RBM47: variants seen among roughly 807,000 people sequenced by gnomAD.
The protein encoded by RBM47 is RNA binding motif protein 47.
In RBM47, 21 loss-of-function variants were observed where a neutral mutation model predicts 47.1. The ratio of observed to expected loss-of-function variants is 0.45; its 90% CI spans 0.32 to 0.64. The LOEUF is 0.64. Among genes scored for constraint, RBM47 ranks in the 30% least tolerant of loss-of-function variants. The pLI, the probability that RBM47 is intolerant of heterozygous loss-of-function variation, is 0.05. For missense variants in RBM47, 708 were observed against 870.9 expected (o/e 0.81, Z 2.35); for synonymous variants, 375 against 361.7 (o/e 1.04, Z -0.42).
chr4:40,432,203 TACAC>T lies in RBM47; in HGVS notation c.1542+444_1542+447del, dbSNP rs61008905. ...TGTTCTTTCTCTCTCTCTCTCTCTT[TACAC>T]ACACACACACACACACACACACACA... On this transcript the variant is annotated intron_variant, in intron 6 of 6. Coordinates refer to ENST00000295971, the MANE Select transcript of RBM47 (RefSeq NM_001098634.2). 3.2e-3 allele frequency among the ~76,000 whole-genome samples: 468 copies of T among 147,816 alleles called. 8 individuals carry two copies. In the East Asian group the frequency reaches 0.048, roughly 15 times the overall value.
At chr4:40,609,015 T>TA (rs753852450) in intron 1 of RBM47, among the ~76,000 whole-genome samples, 34 of 152,236 alleles carry the variant, frequency 2.2e-4, no homozygotes, top group Admixed American at 6.5e-4. Flanking sequence ...ATTTATTTGA[T>TA]AGAGTTTCAC....
chr4:40,572,437 T>G (rs1731822017), intron 1 of RBM47, among the ~76,000 whole-genome samples: 1 of 151,698 alleles, frequency 6.6e-6, no homozygotes, highest in South Asian at 2.1e-4. Flanking sequence ...TATTGTTAAG[T>G]GAAGAAAAAC....
intron 1 of RBM47, among the ~76,000 whole-genome samples, chr4:40,592,178 G>C (rs1734206466): frequency 6.6e-6 from 1 of 152,108 alleles, no homozygotes; most frequent in Admixed American, 6.6e-5. Flanking sequence ...GTAGAGTACA[G>C]GGGAATCATC....
intron 1 of RBM47, among the ~76,000 whole-genome samples, chr4:40,566,321 T>C (rs983966875): frequency 3.9e-5 from 6 of 152,074 alleles, no homozygotes; most frequent in Non-Finnish European, 1.5e-5. Flanking sequence ...GGGGATGAAC[T>C]GTGGAGTCAC....
intron 1 of RBM47, among the ~76,000 whole-genome samples, chr4:40,569,532 C>G (rs991656487): frequency 6.6e-6 from 1 of 151,256 alleles, no homozygotes; most frequent in African/African-American, 2.4e-5. Context: ...GCCTCAGCCT[C>G]CCGAGTAGCT....
Position 40,432,708 on chromosome 4 carries a change from C to CGCGGCTGCG in RBM47, c.1476_1484dup (p.Ala500_Ala502dup). On this transcript the variant is annotated inframe_insertion, in exon 6 of 7. Transcript: ENST00000295971. ...TGACAGCGGCTGCGGCGGCTGCGGC[C>CGCGGCTGCG]GCGGCTGCGGCGGCAGCAGCACTGG... 2 of 1,589,718 alleles carry CGCGGCTGCG rather than the reference C, an allele frequency of 1.3e-6. No individual in the cohort carries two copies. Among genetic ancestry groups the CGCGGCTGCG allele is most frequent in the South Asian group, 2.2e-5 (2 of 89,556 alleles).
At chr4:40,480,737 C>A (rs1000882805) in intron 2 of RBM47, among the ~76,000 whole-genome samples, 3 of 152,144 alleles carry the variant, frequency 2.0e-5, no homozygotes, top group African/African-American at 7.2e-5. Flanking sequence ...ATGGCGATCC[C>A]TTTCTGTCTG....
chr4:40,435,093 G>T (rs1482382237), intron 5 of RBM47, among the ~76,000 whole-genome samples: 3 of 152,170 alleles, frequency 2.0e-5, no homozygotes, highest in Non-Finnish European at 4.4e-5. Flanking sequence ...ATGGTCATGG[G>T]CACTAATGAC....
chr4:40,594,262 G>A (rs559061459), intron 1 of RBM47, among the ~76,000 whole-genome samples: 10 of 152,062 alleles, frequency 6.6e-5, no homozygotes, highest in Non-Finnish European at 1.2e-4. Context: ...ACACACCTGA[G>A]GCCATTGCAC....
At chr4:40,571,541 G>A (rs905302952) in intron 1 of RBM47, among the ~76,000 whole-genome samples, 9 of 152,068 alleles carry the variant, frequency 5.9e-5, no homozygotes, top group African/African-American at 2.4e-5. Context: ...AATCTGAAAT[G>A]AGACCTTTCT....
chr4:40,551,693 G>C (rs1352759508), intron 1 of RBM47, among the ~76,000 whole-genome samples: 2 of 148,942 alleles, frequency 1.3e-5, no homozygotes, highest in East Asian at 3.9e-4. Context: ...CTCTTGCCCA[G>C]GTTGGAGTGC....
At chr4:40,437,163 T>C (rs1712755139) in intron 4 of RBM47, among the ~76,000 whole-genome samples, 1 of 135,506 alleles carries the variant, frequency 7.4e-6, no homozygotes. Flanking sequence ...AATACATATA[T>C]ATATATATAA....
intron 1 of RBM47, among the ~76,000 whole-genome samples, chr4:40,583,721 G>A (rs1223653953): frequency 2.2e-4 from 34 of 151,826 alleles, no homozygotes; most frequent in African/African-American, 4.6e-4. Context: ...AGCCGGGCGC[G>A]GTGGCGGGCG....
At position 40,512,300 on chromosome 4, in the gene RBM47, G is replaced by C. The variant is rs1725035382; in HGVS notation, c.-155+32122C>G. On this transcript the variant is annotated intron_variant, in intron 2 of 6. Transcript: ENST00000295971. Reference sequence around the variant, plus strand: ...AGCCGGGCATGATGGTGGGCGCCCAGCTACTTGGGAGGCTGAGGCAGGAGA... The same window carrying C: ...AGCCGGGCATGATGGTGGGCGCCCACCTACTTGGGAGGCTGAGGCAGGAGA... Among the ~76,000 whole-genome samples, 5 of 150,878 alleles carry C rather than the reference G, an allele frequency of 3.3e-5. No homozygotes were observed. In the South Asian group the frequency reaches 1.0e-3, roughly 32 times the overall value.
chr4:40,514,821 A>T (rs1206947027), intron 2 of RBM47: 1 of 152,228 alleles, frequency 6.6e-6, no homozygotes, highest in African/African-American at 2.4e-5. Flanking sequence ...AGGCTCATAG[A>T]AATAAACCTT....
intron 3 of RBM47, among the ~76,000 whole-genome samples, chr4:40,454,786 G>A (rs1473685506): frequency 6.6e-6 from 1 of 152,128 alleles, no homozygotes; most frequent in Non-Finnish European, 1.5e-5. Flanking sequence ...GGTGGCTCAC[G>A]CCTGGCCATA....
intron 3 of RBM47, among the ~76,000 whole-genome samples, chr4:40,456,958 T>A (rs9991352): frequency 0.024 from 3,699 of 152,104 alleles, 162 homozygotes; most frequent in African/African-American, 0.085. Context: ...TACTTCAAAA[T>A]CACAATTAGA....
intron 1 of RBM47, among the ~76,000 whole-genome samples, chr4:40,589,650 G>T (rs1045908862): frequency 6.6e-6 from 1 of 152,122 alleles, no homozygotes; most frequent in South Asian, 2.1e-4. Context: ...TGTTGGCTAG[G>T]CTGGTCTCGA....
chr4:40,436,678 A>G (rs746887288), intron 4 of RBM47, 31 bp from the exon 5 acceptor site: 1 of 1,607,644 alleles, frequency 6.2e-7, no homozygotes, highest in South Asian at 1.1e-5. Flanking sequence ...GATGATCAGC[A>G]ACCAACAGTG....
Sources: allele counts gnomAD v4.1 joint callset (sites outside exome capture counted in the v4.1 genomes callset), GRCh38; gene constraint gnomAD v4.1.1; transcripts MANE v1.5; gene names NCBI Gene and HGNC (gene_info 2026-07-23, HGNC 2026-07-21).